LIN54: variants seen among roughly 807,000 people sequenced by gnomAD.
The protein encoded by LIN54 is protein lin-54 homolog.
LIN54 carries 9 observed loss-of-function variants against 78.7 expected under a neutral mutation model. The observed-to-expected ratio is 0.11, with a 90% CI of 0.07 to 0.20. The LOEUF (loss-of-function observed/expected upper bound fraction) is 0.20, where lower values mean the gene tolerates loss of function less well. Among genes scored for constraint, LIN54 ranks in the 10% least tolerant of loss-of-function variants. LIN54 has a pLI of 1.00. For missense variants in LIN54, 573 were observed against 889.9 expected (o/e 0.64, Z 4.53); for synonymous variants, 269 against 318.4 (o/e 0.84, Z 1.65).
At chr4:82,935,670 C>T (rs1316056937) in intron 11 of LIN54, among the ~76,000 whole-genome samples, 2 of 152,078 alleles carry the variant, frequency 1.3e-5, no homozygotes, top group African/African-American at 4.8e-5. Context: ...TTCCAATCCA[C>T]TTTGATATTA....
intron 5 of LIN54, among the ~76,000 whole-genome samples, chr4:82,942,685 C>T (rs925011126): frequency 6.6e-6 from 1 of 152,084 alleles, no homozygotes; most frequent in Non-Finnish European, 1.5e-5. Flanking sequence ...AGTCGCTGTT[C>T]CATGAGCACA....
intron 1 of LIN54, among the ~76,000 whole-genome samples, chr4:83,002,880 A>G (rs1369780791): frequency 6.6e-6 from 1 of 152,236 alleles, no homozygotes; most frequent in African/African-American, 2.4e-5. Flanking sequence ...GGATTCAAAC[A>G]TTATATGCAT....
intron 12 of LIN54, 38 bp from the exon 13 acceptor site, chr4:82,928,341 T>G (rs377013328): frequency 6.7e-7 from 1 of 1,499,504 alleles, no homozygotes; most frequent in African/African-American, 1.4e-5. Flanking sequence ...GATGGTGGTG[T>G]TAAATAACAA....
intron 11 of LIN54, among the ~76,000 whole-genome samples, chr4:82,931,484 A>G (rs1721949665): frequency 6.6e-6 from 1 of 152,234 alleles, no homozygotes; most frequent in Admixed American, 6.5e-5. Context: ...TCCAGAATCC[A>G]GCCACCTCAA....
At chr4:82,963,316 G>A (rs1417688445) in intron 4 of LIN54, among the ~76,000 whole-genome samples, 1 of 152,098 alleles carries the variant, frequency 6.6e-6, no homozygotes, top group Non-Finnish European at 1.5e-5. Flanking sequence ...TCTATTGTCA[G>A]TAGTCTTTCA....
At chr4:82,933,319 G>A (rs911651216) in intron 11 of LIN54, among the ~76,000 whole-genome samples, 13 of 150,586 alleles carry the variant, frequency 8.6e-5, no homozygotes, top group African/African-American at 1.5e-4. Flanking sequence ...GTGTCTAACC[G>A]GAGCTCAGAT....
chr4:82,933,237 T>TTATA (rs748650529), intron 11 of LIN54, among the ~76,000 whole-genome samples: 13 of 148,792 alleles, frequency 8.7e-5, no homozygotes, highest in South Asian at 2.1e-4. Context: ...AATTTAGATT[T>TTATA]TATATATATA....
rs553546953 is a variant in LIN54 at position 82,968,385 on chromosome 4, G to A, written c.951+1942C>T. On this transcript the variant is annotated intron_variant, in intron 4 of 12. Transcript: ENST00000340417. ...AAAAAAATAAAGCCAGTTCCTATTC[G>A]TATGTCATCAGGTATAAACCATATA... Among the ~76,000 whole-genome samples, 3 of 152,124 alleles carry A rather than the reference G, an allele frequency of 2.0e-5. No homozygotes were observed. The South Asian group carries it at 6.2e-4, about 32-fold the overall frequency.
chr4:82,958,024 T>C (rs10516681), intron 4 of LIN54, among the ~76,000 whole-genome samples: 66,676 of 152,082 alleles, frequency 0.44, 17,145 homozygotes, highest in Admixed American at 0.59. Context: ...TCATCACTCA[T>C]TGTTTTACTT....
chr4:83,003,793 T>G (rs886905218), intron 1 of LIN54, among the ~76,000 whole-genome samples: 1 of 152,224 alleles, frequency 6.6e-6, no homozygotes, highest in East Asian at 1.9e-4. Flanking sequence ...CACAGAGTGC[T>G]GGAATTACAG....
chr4:82,986,732 A>G (rs1727183331), intron 1 of LIN54, among the ~76,000 whole-genome samples: 1 of 150,926 alleles, frequency 6.6e-6, no homozygotes, highest in Admixed American at 6.6e-5. Flanking sequence ...AAAAAGATAC[A>G]ACACCCATCC....
At position 82,946,493 on chromosome 4, in the gene LIN54, T is replaced by C. The variant is rs956911604; in HGVS notation, c.952-19A>G. On this transcript the variant is annotated intron_variant, in intron 4 of 12. Coordinates refer to ENST00000340417, the MANE Select transcript of LIN54 (RefSeq NM_194282.4). Reference sequence around the variant, plus strand: ...TCACTGCCTATTAAACAATACAACATGGCTGTCATTAATCTGGGATGTAAC... The same window carrying C: ...TCACTGCCTATTAAACAATACAACACGGCTGTCATTAATCTGGGATGTAAC... The C allele has an allele frequency of 3.9e-6, 6 of 1,558,250 alleles. No individual in the cohort carries two copies. Among genetic ancestry groups the C allele is most frequent in the Non-Finnish European group, 8.9e-7 (1 of 1,129,646 alleles).
chr4:83,004,742 T>C (rs6823199), intron 1 of LIN54, among the ~76,000 whole-genome samples: 54,194 of 152,028 alleles, frequency 0.36, 11,530 homozygotes, highest in African/African-American at 0.59. Flanking sequence ...CAAGCTATCC[T>C]GCCACCTTGG....
chr4:82,967,436 A>AAAGATTTAGAGGACAGCAGTTAGGC (rs1298099574), intron 4 of LIN54, among the ~76,000 whole-genome samples: 35 of 152,282 alleles, frequency 2.3e-4, no homozygotes, highest in Non-Finnish European at 4.9e-4. Context: ...ATGGTAGGGC[A>AAAGATTTAGAGGACAGCAGTTAGGC]AAGATTTAGA....
chr4:82,969,528 C>T (rs1578570878), intron 4 of LIN54, among the ~76,000 whole-genome samples: 2 of 152,232 alleles, frequency 1.3e-5, no homozygotes. Flanking sequence ...CATATTTGTA[C>T]ATTATAGTCA....
intron 4 of LIN54, among the ~76,000 whole-genome samples, chr4:82,947,235 A>ATATATATATATATATATATATTT: frequency 2.3e-5 from 1 of 44,290 alleles, no homozygotes; most frequent in Non-Finnish European, 3.7e-5. Flanking sequence ...ATATATATAT[A>ATATATATATATATATATATATTT]TTTTTTTTTT....
intron 2 of LIN54, among the ~76,000 whole-genome samples, chr4:82,982,767 TTA>T (rs1726781148): frequency 6.6e-6 from 1 of 152,028 alleles, no homozygotes; most frequent in South Asian, 2.1e-4. Context: ...CAGAGGCAAA[TTA>T]TAAGATTTAA....
intron 3 of LIN54, among the ~76,000 whole-genome samples, chr4:82,973,715 A>T (rs1725874339): frequency 6.6e-6 from 1 of 152,194 alleles, no homozygotes; most frequent in Non-Finnish European, 1.5e-5. Flanking sequence ...AACCATTTCA[A>T]GTCTTGTCAG....
Position 82,970,312 on chromosome 4 carries a change from A to G in LIN54, c.951+15T>C, listed in dbSNP as rs759205462. The G allele has an allele frequency of 8.7e-6, 14 of 1,603,908 alleles. No homozygotes were observed. The highest frequency in any genetic ancestry group is 2.6e-6 in the Non-Finnish European group (3 of 1,175,684). On this transcript the variant is annotated intron_variant, in intron 4 of 12. Coordinates refer to ENST00000340417, the MANE Select transcript of LIN54 (RefSeq NM_194282.4). ...ACCACAATATTTGGTATTTGTGGCT[A>G]ATTTATTTTTTTACCTTATTTGGCG...
Sources: gnomAD v4.1 joint callset for allele counts (sites outside exome capture counted in the v4.1 genomes callset) on GRCh38, gnomAD v4.1.1 for gene constraint, MANE v1.5 for transcripts, NCBI Gene and HGNC (gene_info 2026-07-23, HGNC 2026-07-21) for gene names.